Variants in DENND1B observed in about 807,000 individuals in gnomAD.
The protein encoded by DENND1B is DENN domain containing 1B.
Under a neutral mutation model 90.1 loss-of-function variants are expected in DENND1B, and 59 were observed. The observed-to-expected ratio is 0.65, with a 90% CI of 0.53 to 0.81. DENND1B has a LOEUF of 0.81. DENND1B is among the 40% of genes least tolerant of loss of function. The probability of loss-of-function intolerance (pLI) is 0.00; values close to 1 mark genes in which losing one functional copy is unlikely to be tolerated. For synonymous variants in DENND1B, 337 were observed against 324.6 expected (o/e 1.04, Z -0.41); for missense variants, 862 against 912.6 (o/e 0.94, Z 0.71).
intron 20 of DENND1B, among the ~76,000 whole-genome samples, chr1:197,517,862 C>G (rs1045848181): frequency 1.3e-5 from 2 of 151,828 alleles, no homozygotes; most frequent in Non-Finnish European, 2.9e-5. Flanking sequence ...CTGTCCTACA[C>G]GTGGGCTGAC....
At chr1:197,521,424 AGAC>A (rs969465783) in intron 20 of DENND1B, among the ~76,000 whole-genome samples, 78 of 152,092 alleles carry the variant, frequency 5.1e-4, no homozygotes, top group Admixed American at 1.4e-3. Flanking sequence ...GGATATAGGC[AGAC>A]GAATGAGAAA....
chr1:197,564,297 C>T (rs1672425001), intron 15 of DENND1B, among the ~76,000 whole-genome samples: 2 of 145,156 alleles, frequency 1.4e-5, no homozygotes, highest in African/African-American at 5.1e-5. Flanking sequence ...AATTTCATTG[C>T]TGTCTTATTT....
intron 3 of DENND1B, among the ~76,000 whole-genome samples, chr1:197,702,110 T>G (rs1659097483): frequency 6.6e-6 from 1 of 152,136 alleles, no homozygotes; most frequent in South Asian, 2.1e-4. Context: ...CTGACTAACT[T>G]CTAGAGAGAA....
the DENND1B span, among the ~76,000 whole-genome samples, chr1:197,781,150 A>C: frequency 6.6e-6 from 1 of 152,202 alleles, no homozygotes; most frequent in East Asian, 1.9e-4. Context: ...AAAAATAATA[A>C]TACTATTAAT....
intron 15 of DENND1B, among the ~76,000 whole-genome samples, chr1:197,580,109 T>A (rs1284344560): frequency 1.4e-4 from 20 of 143,428 alleles, no homozygotes; most frequent in African/African-American, 3.9e-4. Context: ...TTTTTTTTTT[T>A]GAGATAAGAG....
intron 3 of DENND1B, among the ~76,000 whole-genome samples, chr1:197,681,103 T>C (rs1371431686): frequency 6.6e-6 from 1 of 152,146 alleles, no homozygotes; most frequent in Non-Finnish European, 1.5e-5. Flanking sequence ...GTCCAATGCC[T>C]GTTGCCAAAA....
At position 197,510,749 on chromosome 1, in the gene DENND1B, G is replaced by C. The variant is rs1374762266; in HGVS notation, c.2039C>G (p.Pro680Arg). ...GAGTTGGAAATCCAGTCCTGAAGTA[G>C]GGTCACTCACATTGTCAGCACCGAG... is the stretch of plus-strand genomic sequence containing the variant. Reference protein sequence around the residue: ...KHLGADNVSDPTSGLDFQLTS... With the variant: ...KHLGADNVSDRTSGLDFQLTS... The change falls in exon 23 of 23, where the codon CCT (proline) becomes CGT (arginine). Residue 680 changes from proline to arginine, a missense_variant. By Grantham distance (103) the Pro-to-Arg change is moderately radical. Transcript: ENST00000620048. 6.2e-7 allele frequency: 1 copy of C among 1,612,680 alleles called. No homozygotes were observed. Among genetic ancestry groups the C allele is most frequent in the Non-Finnish European group, 8.5e-7 (1 of 1,179,180 alleles).
chr1:197,605,829 A>G (rs1176073915), intron 13 of DENND1B: 1 of 151,168 alleles, frequency 6.6e-6, no homozygotes, highest in Non-Finnish European at 1.5e-5. Context: ...CAAGTATTTT[A>G]CGGTATTATG....
intron 15 of DENND1B, among the ~76,000 whole-genome samples, chr1:197,553,975 T>C (rs138364072): frequency 5.2e-4 from 79 of 152,196 alleles, no homozygotes; most frequent in African/African-American, 1.9e-3. Flanking sequence ...CCATTGCCTG[T>C]TCTGCTCCAG....
At chr1:197,673,294 G>A (rs1655714567) in intron 4 of DENND1B, among the ~76,000 whole-genome samples, 1 of 151,960 alleles carries the variant, frequency 6.6e-6, no homozygotes. Flanking sequence ...GTAGGGCAAT[G>A]ATTCCTCAGA....
chr1:197,632,268 T>C lies in DENND1B; in HGVS notation c.672+10443A>G, dbSNP rs990521170. 1.2e-4 allele frequency among the ~76,000 whole-genome samples: 19 copies of C among 152,094 alleles called. 1 individual carries two copies. Among genetic ancestry groups the C allele is most frequent in the South Asian group, 2.1e-4 (1 of 4,832 alleles). Reference sequence around the variant, plus strand: ...TGGATAAAAGCCAAACCTCTTAAATTAGCAAATGTGATTCTTCACAATCTG... The same window carrying C: ...TGGATAAAAGCCAAACCTCTTAAATCAGCAAATGTGATTCTTCACAATCTG... On this transcript the variant is annotated intron_variant, in intron 10 of 22. Coordinates refer to ENST00000620048, the MANE Select transcript of DENND1B (RefSeq NM_001195215.2).
At chr1:197,580,258 A>ATTTTTTTTTTTTTTTTTTT (rs36028786) in intron 15 of DENND1B, among the ~76,000 whole-genome samples, 12 of 113,176 alleles carry the variant, frequency 1.1e-4, no homozygotes, top group African/African-American at 3.8e-4. Context: ...CGCCCAGCTA[A>ATTTTTTTTTTTTTTTTTTT]TTTTTTTTTT....
At position 197,721,017 on chromosome 1, in the gene DENND1B, C is replaced by T. The variant is rs544318195; in HGVS notation, c.83-5943G>A. ...CAACAAAAATATCTACACAAACAGACTGCTGGGTCCCACACACAAAACTTC... is the reference window on the plus strand; with the variant it reads ...CAACAAAAATATCTACACAAACAGATTGCTGGGTCCCACACACAAAACTTC... On this transcript the variant is annotated intron_variant, in intron 2 of 22. Transcript: ENST00000620048. Among the ~76,000 whole-genome samples the T allele has an allele frequency of 8.1e-4, 123 of 151,256 alleles. 1 individual carries two copies. In the Middle Eastern group the frequency reaches 0.014, roughly 17 times the overall value.
intron 7 of DENND1B, among the ~76,000 whole-genome samples, chr1:197,647,592 A>G (rs561297560): frequency 6.6e-6 from 1 of 152,328 alleles, no homozygotes; most frequent in East Asian, 1.9e-4. Context: ...TGTTATTGAA[A>G]TCAAATGCAA....
At chr1:197,722,093 T>C (rs555888087) in intron 2 of DENND1B, among the ~76,000 whole-genome samples, 27 of 152,276 alleles carry the variant, frequency 1.8e-4, no homozygotes, top group African/African-American at 6.3e-4. Flanking sequence ...TGTAATGTCT[T>C]ACAATGCTTT....
At chr1:197,541,048 G>A (rs757124992) in intron 18 of DENND1B, 33 bp from the exon 19 acceptor site, 45 of 1,597,884 alleles carry the variant, frequency 2.8e-5, no homozygotes, top group Non-Finnish European at 3.8e-5. Flanking sequence ...CCTGGCTCAG[G>A]ATGGTTCCAT....
In DENND1B at chr1:197,517,341, C is replaced by T. The variant is rs146600123; in HGVS notation, c.1516-4388G>A. Among the ~76,000 whole-genome samples the T allele has an allele frequency of 1.3e-3, 192 of 151,982 alleles. 2 individuals carry two copies. Among genetic ancestry groups the T allele is most frequent in the African/African-American group, 4.5e-3 (187 of 41,512 alleles). ...AAATGACATTCACTTGCCTTTCATTCATTAGGTCCTGCAAGTTCAAGGTCT... is the reference window on the plus strand; with the variant it reads ...AAATGACATTCACTTGCCTTTCATTTATTAGGTCCTGCAAGTTCAAGGTCT... On this transcript the variant is annotated intron_variant, in intron 20 of 22. Transcript: ENST00000620048.
chr1:197,694,382 T>C (rs1482264821), intron 3 of DENND1B, among the ~76,000 whole-genome samples: 1 of 151,478 alleles, frequency 6.6e-6, no homozygotes, highest in African/African-American at 2.4e-5. Context: ...CTCTTGTTGT[T>C]TCCATTATTT....
intron 3 of DENND1B, among the ~76,000 whole-genome samples, chr1:197,691,323 A>T (rs1187549406): frequency 6.6e-6 from 1 of 152,070 alleles, no homozygotes; most frequent in Non-Finnish European, 1.5e-5. Context: ...ATTTCTCCAA[A>T]GAAGTCATAC....
Sources: gnomAD v4.1 joint callset for allele counts (sites outside exome capture counted in the v4.1 genomes callset) on GRCh38, gnomAD v4.1.1 for gene constraint, MANE v1.5 for transcripts, NCBI Gene and HGNC (gene_info 2026-07-23, HGNC 2026-07-21) for gene names.